The following MYOCD variants were observed in gnomAD, a reference collection of about 807,000 sequenced individuals.
The protein encoded by MYOCD is myocardin.
In MYOCD, 32 loss-of-function variants were observed where a neutral mutation model predicts 96.1. The ratio of observed to expected loss-of-function variants is 0.33; its 90% CI spans 0.25 to 0.45. The LOEUF is 0.45. Ranked by LOEUF, MYOCD falls within the 20% of genes least tolerant of loss-of-function variation. The probability of loss-of-function intolerance (pLI) is 1.00; values close to 1 mark genes in which losing one functional copy is unlikely to be tolerated. For missense variants in MYOCD, 1,133 were observed against 1,200.6 expected, an observed-to-expected ratio of 0.94 and a Z score of 0.83; for synonymous variants, 469 against 469.0, an observed-to-expected ratio of 1.00 and a Z score of 0.00.
intron 7 of MYOCD, among the ~76,000 whole-genome samples, chr17:12,739,944 T>C (rs1156866877): frequency 6.6e-6 from 1 of 152,164 alleles, no homozygotes; most frequent in African/African-American, 2.4e-5. Flanking sequence ...CTTTTTCTTT[T>C]TTCTTTTTTG....
intron 1 of MYOCD, among the ~76,000 whole-genome samples, chr17:12,680,551 C>T (rs574196711): frequency 2.0e-5 from 3 of 152,290 alleles, no homozygotes; most frequent in South Asian, 2.1e-4. Flanking sequence ...TTTCAAGGAA[C>T]GCAGGTCAAA....
chr17:12,713,030 GC>G (rs1489074813), intron 2 of MYOCD, among the ~76,000 whole-genome samples: 1 of 152,124 alleles, frequency 6.6e-6, no homozygotes, highest in African/African-American at 2.4e-5. Flanking sequence ...CAGGCCCATG[GC>G]AGGATAGTTT....
At chr17:12,718,859 C>T (rs767335710) in intron 4 of MYOCD, among the ~76,000 whole-genome samples, 8 of 152,140 alleles carry the variant, frequency 5.3e-5, no homozygotes, top group Non-Finnish European at 1.2e-4. Flanking sequence ...AAAATCCAAA[C>T]GATGTCATTT....
intron 2 of MYOCD, among the ~76,000 whole-genome samples, chr17:12,712,783 A>G (rs1478713784): frequency 6.7e-6 from 1 of 150,146 alleles, no homozygotes; most frequent in Non-Finnish European, 1.5e-5. Flanking sequence ...ATTCAAAATC[A>G]CATGGACTTT....
intron 10 of MYOCD, among the ~76,000 whole-genome samples, chr17:12,753,916 A>T (rs1449898650): frequency 6.6e-6 from 1 of 152,196 alleles, no homozygotes; most frequent in South Asian, 2.1e-4. Flanking sequence ...CCCCGTTCTC[A>T]TCTCTGGGAC....
intron 11 of MYOCD, among the ~76,000 whole-genome samples, chr17:12,757,871 T>A (rs1464723083): frequency 6.6e-6 from 1 of 152,150 alleles, no homozygotes; most frequent in Non-Finnish European, 1.5e-5. Context: ...GGAAAATAGA[T>A]CTTGCAAGGT....
intron 1 of MYOCD, among the ~76,000 whole-genome samples, chr17:12,684,778 G>A (rs2030009117): frequency 6.6e-6 from 1 of 150,928 alleles, no homozygotes; most frequent in Non-Finnish European, 1.5e-5. Context: ...CCTGGGAGGT[G>A]GGGGTTGCGG....
intron 4 of MYOCD, among the ~76,000 whole-genome samples, chr17:12,721,684 A>G (rs2031844645): frequency 6.6e-6 from 1 of 152,112 alleles, no homozygotes; most frequent in Admixed American, 6.5e-5. Context: ...GGACTGAGAG[A>G]TGTGGATGGT....
chr17:12,746,067 C>T lies in MYOCD; in HGVS notation c.1120C>T (p.Leu374=). The change falls in exon 9 of 14, where the codon CTG becomes TTG. Residue 374 remains leucine, a synonymous_variant. Coordinates refer to ENST00000425538, the MANE Select transcript of MYOCD (RefSeq NM_001146312.3). ...CCCACTCCCACCTAACCTGGATGAT[C>T]TGAAGGTATAGGATTTGACATGAGT... ...PGPLPPNLDD[L]KVSELRQQLR... 6.2e-7 allele frequency: 1 copy of T among 1,613,998 alleles called. No homozygotes were observed. Among genetic ancestry groups the T allele is most frequent in the Non-Finnish European group, 8.5e-7 (1 of 1,179,978 alleles).
intron 6 of MYOCD, among the ~76,000 whole-genome samples, chr17:12,736,876 T>C (rs546588447): frequency 2.0e-5 from 3 of 152,272 alleles, no homozygotes; most frequent in African/African-American, 7.2e-5. Flanking sequence ...ACCATAACAT[T>C]CACCTCTTTC....
intron 1 of MYOCD, among the ~76,000 whole-genome samples, chr17:12,686,314 C>T (rs1810465401): frequency 6.6e-6 from 1 of 152,224 alleles, no homozygotes; most frequent in Admixed American, 6.5e-5. Flanking sequence ...AGAGGTGTCT[C>T]AGCCAAAGTC....
chr17:12,691,614 T>A (rs2030451573), intron 1 of MYOCD, among the ~76,000 whole-genome samples: 1 of 152,100 alleles, frequency 6.6e-6, no homozygotes, highest in African/African-American at 2.4e-5. Context: ...TGCCTCATGT[T>A]CTAATGGCTT....
Position 12,767,154 on chromosome 17 carries a change from T to C in MYOCD, c.*3510T>C, listed in dbSNP as rs1382480227. On this transcript the variant is annotated 3_prime_UTR_variant, in exon 14 of 14. Coordinates refer to ENST00000425538, the MANE Select transcript of MYOCD (RefSeq NM_001146312.3). ...CAGCTGTCACATTATGAGAAGTAAA[T>C]CAGAATTTTTTTAAGGAGAAGTCAT... is the stretch of plus-strand genomic sequence containing the variant. The C allele has an allele frequency of 6.6e-6, 1 of 152,114 alleles. No individual in the cohort carries two copies. The highest frequency in any genetic ancestry group is 1.5e-5 in the Non-Finnish European group (1 of 68,004). 9.4% of individuals were successfully genotyped at this position (152,114 alleles called of 1,614,324 possible). A position where few individuals can be genotyped will look rare whatever the true frequency, so the allele number is the denominator to read the frequency against.
intron 11 of MYOCD, 25 bp from the exon 12 acceptor site, chr17:12,758,060 C>A (rs1344239189): frequency 6.5e-7 from 1 of 1,527,374 alleles, no homozygotes; most frequent in South Asian, 1.1e-5. Flanking sequence ...AATTCAATGC[C>A]TTTCTTCATA....
chr17:12,745,270 C>T (rs976953013), intron 8 of MYOCD, among the ~76,000 whole-genome samples: 17 of 152,040 alleles, frequency 1.1e-4, no homozygotes, highest in African/African-American at 1.9e-4. Flanking sequence ...AGTGCAATGG[C>T]GCGATCTTGG....
chr17:12,727,201 C>A (rs891997014), intron 5 of MYOCD, among the ~76,000 whole-genome samples: 4 of 152,140 alleles, frequency 2.6e-5, no homozygotes, highest in African/African-American at 9.7e-5. Flanking sequence ...GAGAAAGAGG[C>A]AGAAGATACA....
chr17:12,760,644 T>C lies in MYOCD; in HGVS notation c.2332-6T>C. ...TGTCTGTCCTCCTTTGGTTAATTTG[T>C]AATAGCAAATGACCCGGAGTCAGCA... On this transcript the variant is annotated splice_polypyrimidine_tract_variant and splice_region_variant and intron_variant, in intron 12 of 13. Coordinates refer to ENST00000425538, the MANE Select transcript of MYOCD (RefSeq NM_001146312.3). The C allele has an allele frequency of 6.2e-7, 1 of 1,613,228 alleles. No homozygotes were observed.
intron 4 of MYOCD, among the ~76,000 whole-genome samples, chr17:12,717,786 C>G (rs2031695005): frequency 6.6e-6 from 1 of 152,206 alleles, no homozygotes; most frequent in South Asian, 2.1e-4. Context: ...CCCTTGCTAC[C>G]TCTGTATTCT....
intron 10 of MYOCD, among the ~76,000 whole-genome samples, chr17:12,755,035 G>A (rs2032972138): frequency 6.6e-6 from 1 of 152,178 alleles, no homozygotes; most frequent in South Asian, 2.1e-4. Context: ...AAAAGGTAAC[G>A]AGAAGTAATT....
Sources: gnomAD v4.1 joint callset for allele counts (sites outside exome capture counted in the v4.1 genomes callset) on GRCh38, gnomAD v4.1.1 for gene constraint, MANE v1.5 for transcripts, NCBI Gene and HGNC (gene_info 2026-07-23, HGNC 2026-07-21) for gene names.